The following SLC8A3 variants were observed in gnomAD, a reference collection of about 807,000 sequenced individuals.
SLC8A3 encodes the protein sodium/calcium exchanger 3.
A neutral mutation model predicts 65.4 loss-of-function variants in SLC8A3; 37 were observed. The observed-to-expected ratio is 0.57, with a 90% CI of 0.44 to 0.74. SLC8A3 has a LOEUF of 0.74. Among genes scored for constraint, SLC8A3 ranks in the 30% least tolerant of loss-of-function variants. The probability of loss-of-function intolerance (pLI) is 0.00; values close to 1 mark genes in which losing one functional copy is unlikely to be tolerated. For synonymous variants in SLC8A3, 461 were observed against 444.5 expected, an observed-to-expected ratio of 1.04 and a Z score of -0.47; for missense variants, 1,112 against 1,172.1, an observed-to-expected ratio of 0.95 and a Z score of 0.75.
intron 2 of SLC8A3, among the ~76,000 whole-genome samples, chr14:70,117,809 C>G (rs1215829306): frequency 1.3e-5 from 2 of 152,184 alleles, no homozygotes; most frequent in African/African-American, 4.8e-5. Flanking sequence ...TCCAGCTGCC[C>G]TAATTACCCC....
chr14:70,104,600 G>C (rs1012624121), intron 2 of SLC8A3, among the ~76,000 whole-genome samples: 1 of 152,096 alleles, frequency 6.6e-6, no homozygotes, highest in Non-Finnish European at 1.5e-5. Context: ...ACTTTATAAT[G>C]TATATACTTG....
At chr14:70,103,670 A>G (rs558173321) in intron 2 of SLC8A3, among the ~76,000 whole-genome samples, 77 of 152,028 alleles carry the variant, frequency 5.1e-4, no homozygotes, top group African/African-American at 1.7e-3. Context: ...TATAAAGCCA[A>G]TTGAGGAATT....
chr14:70,157,081 CAG>C (rs1174916489), intron 2 of SLC8A3, among the ~76,000 whole-genome samples: 1 of 152,152 alleles, frequency 6.6e-6, no homozygotes, highest in East Asian at 1.9e-4. Context: ...ATCGTGGCTG[CAG>C]AGTCTATAGT....
chr14:70,081,623 G>C (rs568385503), intron 2 of SLC8A3, among the ~76,000 whole-genome samples: 7 of 152,184 alleles, frequency 4.6e-5, no homozygotes, highest in African/African-American at 7.2e-5. Flanking sequence ...GACCTTGGTG[G>C]GGTCATCATT....
In SLC8A3 at chr14:70,045,998, G is replaced by A; in HGVS notation, c.2715C>T (p.Leu905=). Residue 905 remains leucine, a synonymous_variant, in exon 7 of 7, where the codon CTC becomes CTT. Transcript: ENST00000356921. ...TTWLFVSLWL[L]YILFATLEAY... The stretch of plus-strand genomic sequence containing the variant: ...CCTCTAGTGTGGCAAAGAGTATGTA[G>A]AGGAGCCACAGGCTCACAAAGAGCC... 1.9e-6 allele frequency: 3 copies of A among 1,612,172 alleles called. No homozygotes were observed. The highest frequency in any genetic ancestry group is 1.1e-5 in the South Asian group (1 of 90,808).
chr14:70,169,560 A>C (rs774064257), intron 1 of SLC8A3, among the ~76,000 whole-genome samples: 3 of 152,028 alleles, frequency 2.0e-5, no homozygotes, highest in Non-Finnish European at 4.4e-5. Flanking sequence ...AACCACTAAA[A>C]GGTGAGCTTG....
upstream of SLC8A3, chr14:70,188,982 C>G (rs1401985625): frequency 6.6e-6 from 1 of 152,218 alleles, no homozygotes; most frequent in Admixed American, 6.5e-5. Context: ...AGAGCTTTGC[C>G]CATTAAGCTG....
chr14:70,167,658 C>A lies in SLC8A3; in HGVS notation c.765G>T (p.Leu255=). The change falls in exon 2 of 7, where the codon CTG becomes CTT. Residue 255 remains leucine (L), a synonymous_variant. Transcript: ENST00000356921. ...TTTTGTGCATGTATTTGTAGAAGAG[C>A]AGTCGTTTATCTGCCACCCAGGCCA... ...VLLAWVADKR[L]LFYKYMHKKY... is the part of the protein sequence containing the mutation. The A allele has an allele frequency of 6.2e-7, 1 of 1,614,142 alleles. No homozygotes were observed. The highest frequency in any genetic ancestry group is 8.5e-7 in the Non-Finnish European group (1 of 1,180,024).
intron 2 of SLC8A3, among the ~76,000 whole-genome samples, chr14:70,096,203 A>G (rs1892167798): frequency 6.6e-6 from 1 of 152,080 alleles, no homozygotes; most frequent in Non-Finnish European, 1.5e-5. Flanking sequence ...TATATATTCA[A>G]CTTTATAGAT....
At chr14:70,175,687 T>G (rs1897860173) in intron 1 of SLC8A3, among the ~76,000 whole-genome samples, 1 of 152,058 alleles carries the variant, frequency 6.6e-6, no homozygotes, top group African/African-American at 2.4e-5. Context: ...CACACTCTTC[T>G]GGAAGCTCTA....
intron 2 of SLC8A3, among the ~76,000 whole-genome samples, chr14:70,155,152 C>CT (rs1896503178): frequency 6.6e-6 from 1 of 152,098 alleles, no homozygotes. Context: ...AACTCCTGAC[C>CT]TTAGGTGATC....
chr14:70,080,813 T>C (rs1890989129), intron 2 of SLC8A3, among the ~76,000 whole-genome samples: 1 of 152,188 alleles, frequency 6.6e-6, no homozygotes, highest in Non-Finnish European at 1.5e-5. Flanking sequence ...TGTAAAAAAT[T>C]GCACTGTAGA....
chr14:70,122,783 T>C (rs1384842647), intron 2 of SLC8A3, among the ~76,000 whole-genome samples: 1 of 152,102 alleles, frequency 6.6e-6, no homozygotes, highest in Non-Finnish European at 1.5e-5. Context: ...ATAAAAAATA[T>C]TTTATGGGCC....
intron 2 of SLC8A3, among the ~76,000 whole-genome samples, chr14:70,141,041 T>TA (rs1240247299): frequency 6.6e-6 from 1 of 152,210 alleles, no homozygotes; most frequent in African/African-American, 2.4e-5. Context: ...CTGAAGCCTA[T>TA]AGAGAAGAGG....
chr14:70,127,630 G>A (rs991556964), intron 2 of SLC8A3, among the ~76,000 whole-genome samples: 3 of 152,112 alleles, frequency 2.0e-5, no homozygotes, highest in Non-Finnish European at 4.4e-5. Context: ...GTCCCCTTTG[G>A]ATAGTAGCTG....
chr14:70,151,664 C>T (rs1389471051), intron 2 of SLC8A3, among the ~76,000 whole-genome samples: 2 of 152,202 alleles, frequency 1.3e-5, no homozygotes, highest in Non-Finnish European at 2.9e-5. Flanking sequence ...TCGCCACAAA[C>T]GTGGTAGCTT....
intron 2 of SLC8A3, among the ~76,000 whole-genome samples, chr14:70,094,931 A>T (rs1892054511): frequency 6.6e-6 from 1 of 152,244 alleles, no homozygotes; most frequent in Non-Finnish European, 1.5e-5. Flanking sequence ...CAGCAGCAGT[A>T]TTGCAAAGTG....
intron 2 of SLC8A3, among the ~76,000 whole-genome samples, chr14:70,100,325 A>G (rs1852737104): frequency 6.6e-6 from 1 of 152,214 alleles, no homozygotes; most frequent in Admixed American, 6.5e-5. Flanking sequence ...GTCCACCCTG[A>G]TCACAGAGGA....
At chr14:70,177,725 C>T (rs1203228118) in intron 1 of SLC8A3, among the ~76,000 whole-genome samples, 1 of 152,128 alleles carries the variant, frequency 6.6e-6, no homozygotes, top group Non-Finnish European at 1.5e-5. Context: ...GGTAAGAGGC[C>T]TTGTGTGCCT....
Sources: gnomAD v4.1 joint callset for allele counts (sites outside exome capture counted in the v4.1 genomes callset) on GRCh38, gnomAD v4.1.1 for gene constraint, MANE v1.5 for transcripts, NCBI Gene and HGNC (gene_info 2026-07-23, HGNC 2026-07-21) for gene names.